STK3: variants seen among roughly 807,000 people sequenced by gnomAD.
The protein encoded by STK3 is serine/threonine kinase 3.
In STK3, 41 loss-of-function variants were observed where a neutral mutation model predicts 58.0. The observed-to-expected ratio is 0.71, with a 90% CI of 0.55 to 0.92. The LOEUF (loss-of-function observed/expected upper bound fraction) is 0.92. Among genes scored for constraint, STK3 ranks in the 40% least tolerant of loss-of-function variants. The pLI is 0.00. For synonymous variants in STK3, 170 were observed against 191.0 expected, an observed-to-expected ratio of 0.89 and a Z score of 0.91; for missense variants, 479 against 602.7, an observed-to-expected ratio of 0.79 and a Z score of 2.15.
the STK3 span, among the ~76,000 whole-genome samples, chr8:98,353,888 A>G: frequency 6.6e-6 from 1 of 151,474 alleles, no homozygotes; most frequent in South Asian, 2.1e-4. Context: ...GCAGACAGAA[A>G]TAATAGTGAC....
chr8:98,719,102 G>A (rs1313288206), intron 4 of STK3, among the ~76,000 whole-genome samples: 1 of 152,166 alleles, frequency 6.6e-6, no homozygotes, highest in African/African-American at 2.4e-5. Flanking sequence ...AAATGTGGGG[G>A]AGTGGGAGGT....
At chr8:98,452,549 C>T (rs1460603957), downstream of STK3, among the ~76,000 whole-genome samples, 1 of 152,114 alleles carries the variant, frequency 6.6e-6, no homozygotes, top group African/African-American at 2.4e-5. Flanking sequence ...AGCTTTTCAG[C>T]AAGATGAAAC....
intron 1 of STK3, among the ~76,000 whole-genome samples, chr8:98,790,234 A>G (rs1230692343): frequency 7.2e-5 from 11 of 152,282 alleles, no homozygotes; most frequent in Admixed American, 2.6e-4. Flanking sequence ...AAAGAAAACT[A>G]CAGACCAATA....
At chr8:98,579,200 T>A (rs1325839290) in intron 8 of STK3, among the ~76,000 whole-genome samples, 1 of 152,178 alleles carries the variant, frequency 6.6e-6, no homozygotes, top group Non-Finnish European at 1.5e-5. Flanking sequence ...AATACAATTA[T>A]TTTATTTCGT....
At chr8:98,416,677 G>A (rs771467672) in intron 3 of STK3, among the ~76,000 whole-genome samples, 5 of 152,142 alleles carry the variant, frequency 3.3e-5, no homozygotes, top group Non-Finnish European at 7.4e-5. Flanking sequence ...ATTTTAGCAA[G>A]ATTTAATTAA....
At chr8:98,807,994 A>T (rs758123648) in intron 1 of STK3, among the ~76,000 whole-genome samples, 2 of 152,240 alleles carry the variant, frequency 1.3e-5, no homozygotes, top group Non-Finnish European at 2.9e-5. Context: ...ACAGATTTTT[A>T]AACTGGGGGG....
chr8:98,475,961 C>T (rs990048413), intron 10 of STK3, among the ~76,000 whole-genome samples: 4 of 151,718 alleles, frequency 2.6e-5, no homozygotes, highest in African/African-American at 7.3e-5. Flanking sequence ...CAGAGTATCA[C>T]GATGTTCTAG....
chr8:98,477,702 C>CGGGGGGGGGG (rs1286720911), intron 10 of STK3, among the ~76,000 whole-genome samples: 7 of 2,280 alleles, frequency 3.1e-3, no homozygotes, highest in Non-Finnish European at 4.9e-3. Flanking sequence ...TCACACTTGG[C>CGGGGGGGGGG]GGGGGGGGGG....
chr8:98,352,350 T>C, the STK3 span, among the ~76,000 whole-genome samples: 1 of 152,186 alleles, frequency 6.6e-6, no homozygotes, highest in Admixed American at 6.5e-5. Flanking sequence ...AGGTGGGCTG[T>C]TGACTGATCC....
At chr8:98,490,569 T>C (rs1159564629) in intron 10 of STK3, among the ~76,000 whole-genome samples, 3 of 152,324 alleles carry the variant, frequency 2.0e-5, no homozygotes, top group East Asian at 1.9e-4. Context: ...TCCCTAACTA[T>C]ACTGTAAGTT....
chr8:98,736,255 A>G (rs1828587046), intron 4 of STK3, among the ~76,000 whole-genome samples: 1 of 152,206 alleles, frequency 6.6e-6, no homozygotes, highest in South Asian at 2.1e-4. Flanking sequence ...ATAAGAGGTA[A>G]CATTTTCAGC....
intron 1 of STK3, among the ~76,000 whole-genome samples, chr8:98,810,376 C>A (rs1284497504): frequency 6.6e-6 from 1 of 151,978 alleles, no homozygotes; most frequent in Non-Finnish European, 1.5e-5. Flanking sequence ...ATTTCACTCT[C>A]CTACCAGCAA....
At chr8:98,697,647 T>C (rs1004691287) in intron 6 of STK3, among the ~76,000 whole-genome samples, 7 of 152,236 alleles carry the variant, frequency 4.6e-5, no homozygotes. Context: ...GGTTGTTCAG[T>C]TTCCATGTAG....
chr8:98,577,641 G>C (rs1586907349), intron 8 of STK3, among the ~76,000 whole-genome samples: 1 of 152,166 alleles, frequency 6.6e-6, no homozygotes, highest in East Asian at 1.9e-4. Flanking sequence ...CATCCTGGAA[G>C]TGAATCCTCC....
At chr8:98,672,387 G>A (rs906774400) in intron 6 of STK3, among the ~76,000 whole-genome samples, 1 of 152,280 alleles carries the variant, frequency 6.6e-6, no homozygotes, top group Admixed American at 6.5e-5. Context: ...GTATGGGAAA[G>A]AAAGAATTTT....
chr8:98,352,962 A>G, the STK3 span, among the ~76,000 whole-genome samples: 1 of 152,170 alleles, frequency 6.6e-6, no homozygotes, highest in East Asian at 1.9e-4. Context: ...CTAAGTATTT[A>G]TGCATGAATA....
intron 8 of STK3, among the ~76,000 whole-genome samples, chr8:98,576,895 T>A (rs79200712): frequency 6.6e-6 from 1 of 152,040 alleles, no homozygotes; most frequent in African/African-American, 2.4e-5. Flanking sequence ...AAAACTACAA[T>A]TTTTTTTCAG....
chr8:98,710,212 G>T (rs1253196384), intron 4 of STK3, among the ~76,000 whole-genome samples: 1 of 152,152 alleles, frequency 6.6e-6, no homozygotes, highest in East Asian at 1.9e-4. Context: ...CTCCCAGCGT[G>T]AGCATTGCAG....
intron 6 of STK3, among the ~76,000 whole-genome samples, chr8:98,622,098 T>A (rs1818375094): frequency 7.6e-6 from 1 of 131,726 alleles, no homozygotes; most frequent in Non-Finnish European, 1.6e-5. Context: ...ACCCTGTCTC[T>A]ACTAAAAAAA....
Sources: allele counts gnomAD v4.1 joint callset (sites outside exome capture counted in the v4.1 genomes callset), GRCh38; gene constraint gnomAD v4.1.1; transcripts MANE v1.5; gene names NCBI Gene and HGNC (gene_info 2026-07-23, HGNC 2026-07-21).